Variants in MYCBP2 observed in about 807,000 individuals in gnomAD.
The protein encoded by MYCBP2 is E3 ubiquitin-protein ligase MYCBP2.
In MYCBP2, 120 loss-of-function variants were observed where a neutral mutation model predicts 525.3. That is an observed-to-expected ratio of 0.23 (90% CI 0.20 to 0.27). The LOEUF is 0.27. Among genes scored for constraint, MYCBP2 ranks in the 10% least tolerant of loss-of-function variants. The pLI, the probability that MYCBP2 is intolerant of heterozygous loss-of-function variation, is 1.00. For missense variants in MYCBP2, 4,149 were observed against 5,657.1 expected (o/e 0.73, Z 8.55); for synonymous variants, 1,894 against 1,955.8 (o/e 0.97, Z 0.83).
chr13:77,165,342 A>G lies in MYCBP2; in HGVS notation c.6390T>C (p.Asp2130=). 1 of 1,612,386 alleles carries G rather than the reference A, an allele frequency of 6.2e-7. No individual in the cohort carries two copies. The highest frequency in any genetic ancestry group is 8.5e-7 in the Non-Finnish European group (1 of 1,179,374). ...SLETASDYVK[D]DKASFYGFKC... The stretch of plus-strand genomic sequence containing the variant: ...TAAAACCATAGAAAGAAGCTTTGTC[A>G]TCTTTCACATAATCTGATGCAGTCT... The change falls in exon 42 of 83, where the codon GAT becomes GAC. Residue 2130 remains aspartate, a synonymous_variant. Coordinates refer to ENST00000544440, the MANE Select transcript of MYCBP2 (RefSeq NM_015057.5).
Position 77,186,049 on chromosome 13 carries a change from T to C in MYCBP2, c.4266A>G (p.Ser1422=), listed in dbSNP as rs778056937. The C allele has an allele frequency of 6.3e-7, 1 of 1,588,908 alleles. No individual in the cohort carries two copies. Among genetic ancestry groups the C allele is most frequent in the African/African-American group, 1.4e-5 (1 of 73,854 alleles). The change falls in exon 31 of 83, where the codon TCA becomes TCG. Residue 1422 remains serine, a synonymous_variant. Transcript: ENST00000544440. ...AGCTCCAGTGAAGAATACTCAACAA[T>C]GACTCAAAACATTCCTAATCCAGAA... ...ARTVSVECFE[S]LLSILHWSWT...
rs759651643 is a variant in MYCBP2, at chr13:77,181,741, C to T, written c.4901G>A (p.Arg1634His). The change falls in exon 33 of 83, where the codon CGT becomes CAT. Residue 1634 changes from arginine (R) to histidine (H), a missense_variant. Coordinates refer to ENST00000544440, the MANE Select transcript of MYCBP2 (RefSeq NM_015057.5). The part of the protein sequence containing the change: ...STENDSTLVH[R>H]FPLLVAHMEK... The stretch of plus-strand genomic sequence containing the variant: ...CATATGTGCCACCAAAAGGGGAAAA[C>T]GATGAACTAGTGTTGAGTCGTTCTC... 4.3e-6 allele frequency: 7 copies of T among 1,613,840 alleles called. No individual in the cohort carries two copies. The highest frequency in any genetic ancestry group is 1.7e-5 in the Admixed American group (1 of 59,994).
At chr13:77,289,190 A>T (rs2154360146) in intron 2 of MYCBP2, among the ~76,000 whole-genome samples, 1 of 152,238 alleles carries the variant, frequency 6.6e-6, no homozygotes, top group Non-Finnish European at 1.5e-5. Context: ...CTTCTTCCAT[A>T]AAGAATTGGA....
In MYCBP2 at chr13:77,060,640, C is replaced by T. The variant is rs372271310; in HGVS notation, c.13036+529G>A. 1.2e-4 allele frequency among the ~76,000 whole-genome samples: 19 copies of T among 152,002 alleles called. No individual in the cohort carries two copies. The South Asian group carries it at 3.5e-3, about 28-fold the overall frequency. ...AATACATTTAACATACATAGGTTACCTTTTGTTTTATGTCTATTCATTTTT... is the reference window on the plus strand; with the variant it reads ...AATACATTTAACATACATAGGTTACTTTTTGTTTTATGTCTATTCATTTTT... On this transcript the variant is annotated intron_variant, in intron 76 of 82. Coordinates refer to ENST00000544440, the MANE Select transcript of MYCBP2 (RefSeq NM_015057.5).
At chr13:77,310,757 C>G (rs569555055) in intron 1 of MYCBP2, among the ~76,000 whole-genome samples, 4 of 146,620 alleles carry the variant, frequency 2.7e-5, no homozygotes, top group Admixed American at 7.1e-5. Flanking sequence ...TACACACACA[C>G]AGAGACACAG....
chr13:77,207,753 T>C (rs1425416069), intron 23 of MYCBP2, among the ~76,000 whole-genome samples: 1 of 152,212 alleles, frequency 6.6e-6, no homozygotes, highest in Non-Finnish European at 1.5e-5. Context: ...TCTCATTGTT[T>C]AGGTAATCAT....
intron 52 of MYCBP2, among the ~76,000 whole-genome samples, chr13:77,126,747 G>T (rs2051742296): frequency 1.3e-5 from 2 of 152,052 alleles, no homozygotes; most frequent in African/African-American, 4.8e-5. Flanking sequence ...AAAGTTGAAG[G>T]CAAGAAAATA....
At chr13:77,297,880 T>G (rs917941418) in intron 1 of MYCBP2, among the ~76,000 whole-genome samples, 2 of 152,050 alleles carry the variant, frequency 1.3e-5, no homozygotes, top group Non-Finnish European at 2.9e-5. Context: ...ATAAGCTAGG[T>G]TACCACCACC....
intron 52 of MYCBP2, 104 bp from the exon 53 acceptor site, chr13:77,126,646 T>A: frequency 1.3e-6 from 1 of 758,792 alleles, no homozygotes; most frequent in Non-Finnish European, 2.0e-6. Flanking sequence ...GTACTGTCAA[T>A]ATAAAAAAAA....
chr13:77,253,317 C>T (rs1209562468), intron 14 of MYCBP2, among the ~76,000 whole-genome samples: 1 of 151,826 alleles, frequency 6.6e-6, no homozygotes, highest in Non-Finnish European at 1.5e-5. Context: ...AAGACATTTA[C>T]TAGAATGTTC....
At chr13:77,278,443 T>G (rs1001149236) in intron 4 of MYCBP2, among the ~76,000 whole-genome samples, 1 of 152,222 alleles carries the variant, frequency 6.6e-6, no homozygotes, top group Non-Finnish European at 1.5e-5. Context: ...CTAGAACTTA[T>G]ACCCCTGCTG....
chr13:77,045,534 A>T (rs747354512), intron 82 of MYCBP2, 41 bp from the exon 83 acceptor site: 20 of 1,266,492 alleles, frequency 1.6e-5, no homozygotes, highest in Non-Finnish European at 2.2e-5. Context: ...TAATGTTTTA[A>T]GAATACACAC....
Position 77,326,722 on chromosome 13 carries a change from G to A in MYCBP2, c.54C>T (p.Gly18=). The part of the protein sequence containing the change: ...ASPAAASSGL[G]GDGFYPAATF... Reference sequence around the variant, plus strand: ...TGGCGGCTGGGTAGAATCCGTCCCCGCCGAGCCCCGAGGAGGCGGCGGCGG... The same window carrying A: ...TGGCGGCTGGGTAGAATCCGTCCCCACCGAGCCCCGAGGAGGCGGCGGCGG... The change falls in exon 1 of 83, where the codon GGC becomes GGT. Residue 18 remains glycine, a synonymous_variant. Coordinates refer to ENST00000544440, the MANE Select transcript of MYCBP2 (RefSeq NM_015057.5). The surrounding 1 kb of genome is among the most constrained non-coding windows in gnomAD (Gnocchi z 4.2). 7.1e-7 allele frequency: 1 copy of A among 1,412,066 alleles called. No individual in the cohort carries two copies. Among genetic ancestry groups the A allele is most frequent in the Non-Finnish European group, 9.1e-7 (1 of 1,096,018 alleles). The allele number at this position is 1,412,066 out of a possible 1,614,324, so 87.5% of individuals were successfully genotyped here. A position where few individuals can be genotyped will look rare whatever the true frequency, so the allele number is the denominator to read the frequency against.
At chr13:77,153,354 G>A (rs1437866920) in intron 46 of MYCBP2, among the ~76,000 whole-genome samples, 3 of 152,172 alleles carry the variant, frequency 2.0e-5, no homozygotes, top group Non-Finnish European at 4.4e-5. Flanking sequence ...CTCAGTGCTC[G>A]CCATCCTGCA....
chr13:77,082,212 C>T, intron 63 of MYCBP2: 1 of 436,802 alleles, frequency 2.3e-6, no homozygotes, highest in Non-Finnish European at 4.0e-6. Flanking sequence ...GGAAAGTTGA[C>T]CCATTTTAAA....
In MYCBP2 at chr13:77,185,876, A is replaced by T. The variant is rs748355178; in HGVS notation, c.4439T>A (p.Val1480Glu). 1 of 1,577,178 alleles carries T rather than the reference A, an allele frequency of 6.3e-7. No individual in the cohort carries two copies. The highest frequency in any genetic ancestry group is 2.3e-5 in the East Asian group (1 of 44,044). ...TTAAAAAAAATGCATCATACCTGACACTGGGTAAATTTCACAGGTATAGAC... is the reference window on the plus strand; with the variant it reads ...TTAAAAAAAATGCATCATACCTGACTCTGGGTAAATTTCACAGGTATAGAC... ...LRVYTCEIYP[V>E]SATGKAVVEE... The change falls in exon 31 of 83, where the codon GTG becomes GAG. Residue 1480 changes from valine (V) to glutamate (E), a missense_variant. Around this residue, in one of 21 missense-constraint regions of MYCBP2, gnomAD observed 292 missense variants for 330.5 expected, o/e 0.88. Transcript: ENST00000544440.
intron 68 of MYCBP2, among the ~76,000 whole-genome samples, chr13:77,072,131 A>T (rs1336073318): frequency 2.0e-5 from 3 of 151,894 alleles, no homozygotes; most frequent in Non-Finnish European, 4.4e-5. Context: ...TACTAAAAAA[A>T]ATACAAAAAA....
chr13:77,054,603 CT>C lies in MYCBP2; in HGVS notation c.13647+954del, dbSNP rs113625592. ...AATAAAGATCAGAGATTGGTAAAGT[CT>C]TTTTTTTTTTTTTTGAGACAGGGTC... is the stretch of plus-strand genomic sequence containing the variant. On this transcript the variant is annotated intron_variant, in intron 80 of 82. Coordinates refer to ENST00000544440, the MANE Select transcript of MYCBP2 (RefSeq NM_015057.5). Among the ~76,000 whole-genome samples, 905 of 139,776 alleles carry C rather than the reference CT, an allele frequency of 6.5e-3. 2 individuals are homozygous for C. The highest frequency in any genetic ancestry group is 0.011 in the Middle Eastern group (3 of 268). 91.7% of individuals were successfully genotyped at this position (139,776 alleles called of 152,430 possible). A position where few individuals can be genotyped will look rare whatever the true frequency, so the allele number is the denominator to read the frequency against.
chr13:77,292,985 A>G (rs1474788141), intron 2 of MYCBP2, among the ~76,000 whole-genome samples: 1 of 151,610 alleles, frequency 6.6e-6, no homozygotes, highest in Admixed American at 6.6e-5. Context: ...AAAGAAAGAA[A>G]AAAAAAGAAA....
Sources: gnomAD v4.1 joint callset for allele counts (sites outside exome capture counted in the v4.1 genomes callset) on GRCh38, gnomAD v4.1.1 for gene constraint, gnomAD v4.1.1 regional missense constraint, Gnocchi (gnomAD v3.1) non-coding constraint, MANE v1.5 for transcripts, NCBI Gene and HGNC (gene_info 2026-07-23, HGNC 2026-07-21) for gene names.